The following SLCO3A1 variants were observed in gnomAD, a reference collection of about 807,000 sequenced individuals.
SLCO3A1 encodes PGE1 transporter.
SLCO3A1 carries 27 observed loss-of-function variants against 63.1 expected under a neutral mutation model. The ratio of observed to expected loss-of-function variants is 0.43; its 90% CI spans 0.32 to 0.59. The LOEUF (loss-of-function observed/expected upper bound fraction) is 0.59, where lower values mean the gene tolerates loss of function less well. Among genes scored for constraint, SLCO3A1 ranks in the 20% least tolerant of loss-of-function variants. The pLI is 0.09. For synonymous variants in SLCO3A1, 473 were observed against 409.9 expected (o/e 1.15, Z -1.86); for missense variants, 773 against 945.8 (o/e 0.82, Z 2.40).
rs558849563 is a variant in SLCO3A1, at chr15:92,043,839, T to C, written c.647-51042T>C. ...GAAATTATAACCCTCCTTGTAGAGA[T>C]CGGTCCAGGGGAACTCAGGGAAGCT... is the stretch of plus-strand genomic sequence containing the variant. On this transcript the variant is annotated intron_variant, in intron 2 of 9. Coordinates refer to ENST00000318445, the MANE Select transcript of SLCO3A1 (RefSeq NM_013272.4). Among the ~76,000 whole-genome samples, 3 of 152,330 alleles carry C rather than the reference T, an allele frequency of 2.0e-5. No individual in the cohort carries two copies. In the South Asian group the frequency reaches 6.2e-4, roughly 32 times the overall value.
At chr15:92,159,123 AT>A (rs1009007105) in intron 9 of SLCO3A1, among the ~76,000 whole-genome samples, 3 of 152,204 alleles carry the variant, frequency 2.0e-5, no homozygotes, top group Non-Finnish European at 2.9e-5. Flanking sequence ...TATTAACTCC[AT>A]TTTAAAGATG....
In SLCO3A1 at chr15:92,163,499, A is replaced by G. The variant is rs2048465888; in HGVS notation, c.*364A>G. ...GGAGGATGGACATTTCTGGATACAC[A>G]TACACATACAAAACAGAAAACATTT... On this transcript the variant is annotated 3_prime_UTR_variant, in exon 10 of 10. Coordinates refer to ENST00000318445, the MANE Select transcript of SLCO3A1 (RefSeq NM_013272.4). 9.9e-7 allele frequency: 1 copy of G among 1,006,874 alleles called. No homozygotes were observed. Among genetic ancestry groups the G allele is most frequent in the African/African-American group, 1.7e-5 (1 of 58,096 alleles). The allele number at this position is 1,006,874 out of a possible 1,614,324, so 62.4% of individuals were successfully genotyped here. A position where few individuals can be genotyped will look rare whatever the true frequency, so the allele number is the denominator to read the frequency against.
At chr15:92,059,984 C>T (rs2047067039) in intron 2 of SLCO3A1, among the ~76,000 whole-genome samples, 1 of 152,124 alleles carries the variant, frequency 6.6e-6, no homozygotes, top group Admixed American at 6.5e-5. Flanking sequence ...CAAACCTGTA[C>T]AGCATGTGAC....
At chr15:91,879,878 C>T (rs1019131805) in intron 1 of SLCO3A1, among the ~76,000 whole-genome samples, 4 of 152,110 alleles carry the variant, frequency 2.6e-5, no homozygotes, top group Non-Finnish European at 2.9e-5. Context: ...CCATGGTCTC[C>T]GAAGCTCCAG....
chr15:92,170,161 C>G (rs2048513806), downstream of SLCO3A1, among the ~76,000 whole-genome samples: 3 of 152,126 alleles, frequency 2.0e-5, no homozygotes, highest in African/African-American at 4.8e-5. Context: ...GAAGATTGCT[C>G]TCATGGAGAC....
At chr15:92,099,564 G>A (rs1253717205) in intron 3 of SLCO3A1, among the ~76,000 whole-genome samples, 1 of 152,128 alleles carries the variant, frequency 6.6e-6, no homozygotes, top group African/African-American at 2.4e-5. Flanking sequence ...GGGTTGGTTG[G>A]TTAGTTTTAA....
chr15:91,985,971 G>T (rs889710848), intron 2 of SLCO3A1, among the ~76,000 whole-genome samples: 2 of 152,178 alleles, frequency 1.3e-5, no homozygotes, highest in African/African-American at 4.8e-5. Flanking sequence ...CATGACCAGG[G>T]TATGGCTCTC....
chr15:92,064,231 T>G (rs1443380095), intron 2 of SLCO3A1, among the ~76,000 whole-genome samples: 1 of 152,206 alleles, frequency 6.6e-6, no homozygotes, highest in African/African-American at 2.4e-5. Flanking sequence ...TCCCAGAGCG[T>G]AAGAGGTAGT....
Position 91,883,238 on chromosome 15 carries a change from C to T in SLCO3A1, c.180+29150C>T, listed in dbSNP as rs187355646. ...TCTGGGTTTCACTTACATCAGGTGC[C>T]CAGGAGTCTTCCTGTGTGAAGTCAG... On this transcript the variant is annotated intron_variant, in intron 1 of 9. Transcript: ENST00000318445. This position sits in a 1 kb window ranked among gnomAD's most constrained non-coding sequence, Gnocchi z 4.8. 6.6e-6 allele frequency among the ~76,000 whole-genome samples: 1 copy of T among 152,250 alleles called. No individual in the cohort carries two copies. Among genetic ancestry groups the T allele is most frequent in the East Asian group, 1.9e-4 (1 of 5,168 alleles).
chr15:92,131,501 ATTATAGG>A (rs1248331222), intron 7 of SLCO3A1, among the ~76,000 whole-genome samples: 7 of 142,888 alleles, frequency 4.9e-5, no homozygotes, highest in African/African-American at 1.8e-4. Flanking sequence ...AGTAGCTGGG[ATTATAGG>A]CAAACACCAC....
In SLCO3A1 at chr15:92,033,667, GGA is replaced by G. The variant is rs1234388082; in HGVS notation, c.647-61207_647-61206del. Among the ~76,000 whole-genome samples the G allele has an allele frequency of 1.8e-4, 27 of 152,340 alleles. No homozygotes were observed. Among genetic ancestry groups the G allele is most frequent in the Non-Finnish European group, 3.1e-4 (21 of 68,032 alleles). ...CACTCAGATCACATATTCCAGTGAG[GGA>G]GAGAGACAGTAAACAATATAACTAA... On this transcript the variant is annotated intron_variant, in intron 2 of 9. Coordinates refer to ENST00000318445, the MANE Select transcript of SLCO3A1 (RefSeq NM_013272.4). The surrounding 1 kb of genome is among the most constrained non-coding windows in gnomAD (Gnocchi z 4.5).
intron 2 of SLCO3A1, among the ~76,000 whole-genome samples, chr15:91,955,230 T>C (rs1167630534): frequency 6.6e-6 from 1 of 152,158 alleles, no homozygotes; most frequent in Non-Finnish European, 1.5e-5. Context: ...CAAGGCCACA[T>C]AGCCAAGATG....
chr15:92,089,847 G>A (rs1360154798), intron 2 of SLCO3A1, among the ~76,000 whole-genome samples: 1 of 152,212 alleles, frequency 6.6e-6, no homozygotes, highest in East Asian at 1.9e-4. Flanking sequence ...GGTATAAGTT[G>A]AGATAATAAG....
intron 2 of SLCO3A1, among the ~76,000 whole-genome samples, chr15:92,054,422 C>T (rs890977034): frequency 6.6e-6 from 1 of 152,156 alleles, no homozygotes; most frequent in African/African-American, 2.4e-5. Flanking sequence ...AGTCTTTTTT[C>T]ACTGAAATGC....
At chr15:92,051,128 GA>G (rs2046952023) in intron 2 of SLCO3A1, among the ~76,000 whole-genome samples, 1 of 152,192 alleles carries the variant, frequency 6.6e-6, no homozygotes, top group Non-Finnish European at 1.5e-5. Flanking sequence ...TACTATGATA[GA>G]GGTGCAAATA....
chr15:91,905,222 C>A (rs1431590025), intron 1 of SLCO3A1, among the ~76,000 whole-genome samples: 1 of 152,198 alleles, frequency 6.6e-6, no homozygotes, highest in Non-Finnish European at 1.5e-5. Flanking sequence ...CCAGGAGAAG[C>A]AGAGCTTTTG....
At chr15:92,117,287 TAA>T (rs1156251268) in intron 4 of SLCO3A1, among the ~76,000 whole-genome samples, 3 of 152,242 alleles carry the variant, frequency 2.0e-5, no homozygotes, top group Non-Finnish European at 2.9e-5. Flanking sequence ...GCAAAGTTGC[TAA>T]TCAGCAAATG....
chr15:92,117,545 G>A lies in SLCO3A1; in HGVS notation c.1010-2920G>A, dbSNP rs149492499. Among the ~76,000 whole-genome samples the A allele has an allele frequency of 1.4e-4, 22 of 152,206 alleles. No individual in the cohort carries two copies. In the East Asian group the frequency reaches 2.3e-3, roughly 16 times the overall value. On this transcript the variant is annotated intron_variant, in intron 4 of 9. Transcript: ENST00000318445. Reference sequence around the variant, plus strand: ...AAGAGCACTGTGATTGAGAAATGGCGTTATTACTTGCCAAAACACATAAAC... The same window carrying A: ...AAGAGCACTGTGATTGAGAAATGGCATTATTACTTGCCAAAACACATAAAC...
intron 6 of SLCO3A1, among the ~76,000 whole-genome samples, chr15:92,126,629 T>A (rs966667589): frequency 1.3e-5 from 2 of 152,088 alleles, no homozygotes; most frequent in African/African-American, 4.8e-5. Flanking sequence ...CCTTAAACTA[T>A]CAGAAGCTGT....
Sources: allele counts gnomAD v4.1 joint callset (sites outside exome capture counted in the v4.1 genomes callset), GRCh38; gene constraint gnomAD v4.1.1; non-coding constraint Gnocchi (gnomAD v3.1); transcripts MANE v1.5; gene names NCBI Gene and HGNC (gene_info 2026-07-23, HGNC 2026-07-21).